The following UNC13C variants were observed in gnomAD, a reference collection of about 807,000 sequenced individuals.
The protein encoded by UNC13C is unc-13 homolog C.
In UNC13C, 174 loss-of-function variants were observed where a neutral mutation model predicts 245.4. That is an observed-to-expected ratio of 0.71 (90% CI 0.63 to 0.80). The LOEUF (loss-of-function observed/expected upper bound fraction) is 0.80. Ranked by LOEUF, UNC13C falls within the 30% of genes least tolerant of loss-of-function variation. The probability of loss-of-function intolerance (pLI) is 0.00; values close to 1 mark genes in which losing one functional copy is unlikely to be tolerated. For synonymous variants in UNC13C, 992 were observed against 895.1 expected (o/e 1.11, Z -1.93); for missense variants, 2,829 against 2,602.9 (o/e 1.09, Z -1.89).
chr15:54,522,884 G>A (rs1332621238), intron 24 of UNC13C, among the ~76,000 whole-genome samples: 6 of 151,902 alleles, frequency 3.9e-5, no homozygotes, highest in South Asian at 2.1e-4. Flanking sequence ...ATGAATATTC[G>A]AAATTTTTCT....
At chr15:54,340,860 T>A (rs1229202551) in intron 17 of UNC13C, among the ~76,000 whole-genome samples, 1 of 152,208 alleles carries the variant, frequency 6.6e-6, no homozygotes, top group African/African-American at 2.4e-5. Context: ...GCATCAAATT[T>A]GCAGATTGCT....
intron 2 of UNC13C, among the ~76,000 whole-genome samples, chr15:54,096,738 A>T (rs1000779414): frequency 6.6e-6 from 1 of 152,152 alleles, no homozygotes; most frequent in Non-Finnish European, 1.5e-5. Context: ...TTCCTCCTTT[A>T]ACTATACGGT....
chr15:54,494,704 C>T lies in UNC13C; in HGVS notation c.5030C>T (p.Ala1677Val), dbSNP rs748767355. The T allele has an allele frequency of 1.9e-6, 3 of 1,610,556 alleles. No homozygotes were observed. Among genetic ancestry groups the T allele is most frequent in the Admixed American group, 3.4e-5 (2 of 59,508 alleles). ...AATGAATATGTGCGTGAACTTCCTG[C>T]CTTCAAGGATGCTGTTCCTGAATAC... ...FYNEYVRELP[A>V]FKDAVPEYSL... The change falls in exon 20 of 33, where the codon GCC becomes GTC. Residue 1677 changes from alanine (A) to valine (V), a missense_variant. Ala to Val is a moderately conservative substitution (Grantham distance 64, BLOSUM62 0). Transcript: ENST00000260323.
At chr15:54,094,981 C>T (rs1280287637) in intron 2 of UNC13C, among the ~76,000 whole-genome samples, 1 of 152,168 alleles carries the variant, frequency 6.6e-6, no homozygotes, top group Non-Finnish European at 1.5e-5. Flanking sequence ...GGTGAGGTAT[C>T]CAAACCCATT....
chr15:54,420,805 G>C (rs1429011106), intron 19 of UNC13C, among the ~76,000 whole-genome samples: 1 of 151,872 alleles, frequency 6.6e-6, no homozygotes, highest in Non-Finnish European at 1.5e-5. Flanking sequence ...AGATGCTAAA[G>C]CTCTTGTTAA....
At chr15:54,544,693 C>T (rs1326258865) in intron 26 of UNC13C, among the ~76,000 whole-genome samples, 1 of 152,112 alleles carries the variant, frequency 6.6e-6, no homozygotes, top group Non-Finnish European at 1.5e-5. Context: ...AACTCCCATT[C>T]ACAATTGCTA....
chr15:53,944,351 A>G, the UNC13C span, among the ~76,000 whole-genome samples: 26 of 152,094 alleles, frequency 1.7e-4, no homozygotes, highest in Admixed American at 1.2e-3. Context: ...TTATTTTATC[A>G]CCCAGGTACT....
chr15:54,001,961 A>G (rs1445194432), intron 1 of UNC13C, among the ~76,000 whole-genome samples: 1 of 152,230 alleles, frequency 6.6e-6, no homozygotes, highest in African/African-American at 2.4e-5. Context: ...CTTGAACAGT[A>G]TGATGCGGTA....
chr15:54,187,652 T>C (rs1191476415), intron 4 of UNC13C, among the ~76,000 whole-genome samples: 1 of 152,186 alleles, frequency 6.6e-6, no homozygotes. Flanking sequence ...CTGACCTCGG[T>C]GACAACATGA....
chr15:54,417,726 A>G (rs1596346811), intron 19 of UNC13C, among the ~76,000 whole-genome samples: 1 of 152,182 alleles, frequency 6.6e-6, no homozygotes, highest in Non-Finnish European at 1.5e-5. Flanking sequence ...TATGTTAACC[A>G]TGTGTCAGTC....
At chr15:54,286,018 C>A (rs992028088) in intron 10 of UNC13C, among the ~76,000 whole-genome samples, 1 of 152,020 alleles carries the variant, frequency 6.6e-6, no homozygotes, top group African/African-American at 2.4e-5. Flanking sequence ...GCTGGAGTTG[C>A]AGGTGTCTGC....
rs150881397 is a variant in UNC13C, at chr15:54,148,663, G to A, written c.3071+4979G>A. 2.6e-3 allele frequency among the ~76,000 whole-genome samples: 391 copies of A among 152,232 alleles called. 2 individuals carry two copies. The highest frequency in any genetic ancestry group is 9.1e-3 in the African/African-American group (377 of 41,538). Reference sequence around the variant, plus strand: ...CATTGCAGCAGTCTTATCTCTCATAGCTGAGAACTTTTAATTTCAGTTCTT... The same window carrying A: ...CATTGCAGCAGTCTTATCTCTCATAACTGAGAACTTTTAATTTCAGTTCTT... On this transcript the variant is annotated intron_variant, in intron 4 of 32. Transcript: ENST00000260323.
At chr15:53,942,038 G>A in the UNC13C span, among the ~76,000 whole-genome samples, 1 of 152,102 alleles carries the variant, frequency 6.6e-6, no homozygotes, top group Admixed American at 6.6e-5. Context: ...GCTTGACCCA[G>A]CAATCCCGTT....
At chr15:54,138,984 G>A (rs2031879799) in intron 2 of UNC13C, among the ~76,000 whole-genome samples, 1 of 2,696 alleles carries the variant, frequency 3.7e-4, no homozygotes, top group Non-Finnish European at 4.4e-3. Context: ...TTTTTGAGAC[G>A]GAGTCTCGCT....
At chr15:54,100,105 CAAAAAAAAAA>C (rs56058415) in intron 2 of UNC13C, among the ~76,000 whole-genome samples, 13 of 111,898 alleles carry the variant, frequency 1.2e-4, no homozygotes, top group East Asian at 2.5e-4. Flanking sequence ...TACTCTGTCT[CAAAAAAAAAA>C]AAAAAAAAAA....
intron 30 of UNC13C, among the ~76,000 whole-genome samples, chr15:54,603,574 A>G (rs1256369776): frequency 6.6e-6 from 1 of 152,290 alleles, no homozygotes; most frequent in East Asian, 1.9e-4. Context: ...AAAAATATGA[A>G]GAACTGGCCA....
At chr15:54,278,841 A>G (rs1433740615) in intron 10 of UNC13C, among the ~76,000 whole-genome samples, 3 of 152,158 alleles carry the variant, frequency 2.0e-5, no homozygotes, top group Non-Finnish European at 4.4e-5. Context: ...CGCTTTCATC[A>G]GAATGATTTC....
At chr15:54,091,799 G>A (rs927192062) in intron 2 of UNC13C, among the ~76,000 whole-genome samples, 1 of 151,144 alleles carries the variant, frequency 6.6e-6, no homozygotes, top group African/African-American at 2.4e-5. Context: ...TTGAATTTTT[G>A]CTGCACAGGA....
chr15:54,229,816 C>G (rs931178027), intron 4 of UNC13C, among the ~76,000 whole-genome samples: 1 of 152,100 alleles, frequency 6.6e-6, no homozygotes, highest in African/African-American at 2.4e-5. Context: ...AACTACCACT[C>G]TATTCCCTAG....
Sources: allele counts gnomAD v4.1 joint callset (sites outside exome capture counted in the v4.1 genomes callset), GRCh38; gene constraint gnomAD v4.1.1; transcripts MANE v1.5; gene names NCBI Gene and HGNC (gene_info 2026-07-23, HGNC 2026-07-21).